NOB1: variants seen among roughly 807,000 people sequenced by gnomAD.
NOB1 encodes the protein RNA-binding protein NOB1.
In NOB1, 44 loss-of-function variants were observed where a neutral mutation model predicts 44.8. The ratio of observed to expected loss-of-function variants is 0.98; its 90% CI spans 0.77 to 1.26. The LOEUF is 1.26. NOB1 is among the 50% of genes most tolerant of loss of function. The pLI is 0.00. For synonymous variants in NOB1, 238 were observed against 218.7 expected (o/e 1.09, Z -0.78); for missense variants, 560 against 544.8 (o/e 1.03, Z -0.28).
chr16:69,749,593 G>A lies in NOB1; in HGVS notation c.365C>T (p.Pro122Leu). The A allele has an allele frequency of 6.8e-6, 11 of 1,613,436 alleles. No individual in the cohort carries two copies. Among genetic ancestry groups the A allele is most frequent in the Non-Finnish European group, 9.3e-6 (11 of 1,179,784 alleles). The change falls in exon 4 of 9, where the codon CCT (proline) becomes CTT (leucine). Residue 122 changes from proline (P) to leucine (L), a missense_variant. By Grantham distance (98) the Pro-to-Leu change is moderately conservative. Transcript: ENST00000268802. ...VSSSIQHPET[P>L]LHISGFHLPY... is the part of the protein sequence containing the mutation. ...CAGATGGAAACCAGAAATGTGCAGAGGTGTTTCTGGGTGCTGAATCGATGA... is the reference window on the plus strand; with the variant it reads ...CAGATGGAAACCAGAAATGTGCAGAAGTGTTTCTGGGTGCTGAATCGATGA...
At chr16:69,750,570 T>C (rs761668163) in intron 3 of NOB1, among the ~76,000 whole-genome samples, 2 of 152,156 alleles carry the variant, frequency 1.3e-5, no homozygotes, top group Non-Finnish European at 2.9e-5. Flanking sequence ...GATGCTGCAG[T>C]GAGCTGTGAT....
At chr16:69,748,707 C>A in intron 6 of NOB1, 1 of 543,748 alleles carries the variant, frequency 1.8e-6, no homozygotes, top group Non-Finnish European at 3.2e-6. Flanking sequence ...AAATAGTAAA[C>A]GTTAAACATT....
At chr16:69,747,038 C>T (rs773596324) in intron 7 of NOB1, among the ~76,000 whole-genome samples, 3 of 151,280 alleles carry the variant, frequency 2.0e-5, no homozygotes, top group East Asian at 1.9e-4. Context: ...CTGGCTAACA[C>T]GGTGAAACCC....
chr16:69,754,749 C>G (rs1302546604), intron 1 of NOB1, 23 bp from the exon 2 acceptor site: 2 of 1,613,736 alleles, frequency 1.2e-6, no homozygotes, highest in African/African-American at 2.7e-5. Flanking sequence ...CGCCCCAGCT[C>G]AGACCCACCC....
intron 6 of NOB1, chr16:69,748,669 A>G (rs1169748934): frequency 3.7e-6 from 2 of 534,200 alleles, no homozygotes; most frequent in Non-Finnish European, 6.5e-6. Context: ...CATTATATAT[A>G]CTGAAAAAAA....
Position 69,754,105 on chromosome 16 carries a change from A to G in NOB1, c.196+489T>C, listed in dbSNP as rs2038504559. ...GGCCGTAAGCCACCGCGCCCAGCTT[A>G]ATTTTCTTTCACATTTAATACAATG... is the stretch of plus-strand genomic sequence containing the variant. On this transcript the variant is annotated intron_variant, in intron 2 of 8. Coordinates refer to ENST00000268802, the MANE Select transcript of NOB1 (RefSeq NM_014062.3). 2.6e-5 allele frequency among the ~76,000 whole-genome samples: 4 copies of G among 152,176 alleles called. No homozygotes were observed. The South Asian group carries it at 8.3e-4, about 31-fold the overall frequency.
rs200093997 is a variant in NOB1 at position 69,744,944 on chromosome 16, C to T, written c.898G>A (p.Val300Ile). ...ATGTGCAGGGTGCCGTCGTCGCTGA[C>T]GGTCACGGACACTTTCTTCAGGGTC... The part of the protein sequence containing the change: ...NKTLKKVSVT[V>I]SDDGTLHMHF... The change falls in exon 8 of 9, where the codon GTC (valine) becomes ATC (isoleucine). Residue 300 changes from valine to isoleucine, a missense_variant. Physicochemically the swap from Val to Ile is conservative, Grantham distance 29. Coordinates refer to ENST00000268802, the MANE Select transcript of NOB1 (RefSeq NM_014062.3). 44 of 1,614,062 alleles carry T rather than the reference C, an allele frequency of 2.7e-5. 1 individual carries two copies. The South Asian group carries it at 4.0e-4, about 14-fold the overall frequency.
intron 7 of NOB1, among the ~76,000 whole-genome samples, chr16:69,746,672 G>A (rs1167574345): frequency 2.0e-5 from 3 of 152,136 alleles, no homozygotes; most frequent in Admixed American, 6.5e-5. Flanking sequence ...TTGGGAGGCC[G>A]AGGCAGGCAG....
rs1301894501 is a variant in NOB1, at chr16:69,748,084, G to A, written c.824+148C>T. 3 of 551,286 alleles carry A rather than the reference G, an allele frequency of 5.4e-6. No homozygotes were observed. In the African/African-American group the frequency reaches 5.8e-5, roughly 11 times the overall value. 34.1% of individuals were successfully genotyped at this position (551,286 alleles called of 1,614,324 possible). On this transcript the variant is annotated intron_variant, in intron 7 of 8. Coordinates refer to ENST00000268802, the MANE Select transcript of NOB1 (RefSeq NM_014062.3). ...GGAGGTTGAGGCAGGAGAATTGCTT[G>A]AACCCAGGAGGCAGAGGTTGCAGTG...
intron 2 of NOB1, among the ~76,000 whole-genome samples, chr16:69,753,290 T>C (rs1456971691): frequency 6.6e-6 from 1 of 152,192 alleles, no homozygotes; most frequent in Non-Finnish European, 1.5e-5. Flanking sequence ...CTTGTAATTG[T>C]AGTAGTCTAT....
At chr16:69,748,426 T>A in intron 6 of NOB1, 97 bp from the exon 7 acceptor site, 1 of 1,156,116 alleles carries the variant, frequency 8.6e-7, no homozygotes, top group Non-Finnish European at 1.2e-6. Context: ...TTGCCCATAT[T>A]CCTTGGCTTT....
intron 7 of NOB1, among the ~76,000 whole-genome samples, chr16:69,747,911 T>C (rs2038446565): frequency 6.6e-6 from 1 of 151,976 alleles, no homozygotes; most frequent in Non-Finnish European, 1.5e-5. Flanking sequence ...TAACCCCAGC[T>C]CTTTGGGAGG....
chr16:69,745,380 G>C (rs2038421847), intron 7 of NOB1, among the ~76,000 whole-genome samples: 1 of 152,202 alleles, frequency 6.6e-6, no homozygotes, highest in African/African-American at 2.4e-5. Flanking sequence ...AGTTAAGGCA[G>C]CTTGCTCAAG....
chr16:69,745,113 C>CAGG, intron 7 of NOB1, 96 bp from the exon 8 acceptor site: 2 of 1,323,086 alleles, frequency 1.5e-6, no homozygotes, highest in Non-Finnish European at 1.1e-6. Flanking sequence ...GGAGAAGAAA[C>CAGG]AGGGAAGGGC....
At chr16:69,749,483 T>C in intron 4 of NOB1, 76 bp downstream of exon 4, 1 of 1,541,030 alleles carries the variant, frequency 6.5e-7, no homozygotes, top group Non-Finnish European at 8.9e-7. Context: ...TTTAGTTCAC[T>C]GTGAAGAGAT....
At chr16:69,744,456 C>T (rs2038411485) in intron 8 of NOB1, among the ~76,000 whole-genome samples, 1 of 152,176 alleles carries the variant, frequency 6.6e-6, no homozygotes, top group African/African-American at 2.4e-5. Flanking sequence ...AAGCCAGTGC[C>T]ACTCATTCGT....
intron 3 of NOB1, among the ~76,000 whole-genome samples, chr16:69,751,277 G>A (rs1445200497): frequency 6.6e-6 from 1 of 151,834 alleles, no homozygotes; most frequent in Admixed American, 6.6e-5. Flanking sequence ...CAAAGCCCTG[G>A]GATTATAGGC....
In NOB1 at chr16:69,744,897, C is replaced by A. The variant is rs2038416232; in HGVS notation, c.945G>T (p.Lys315Asn). The change falls in exon 8 of 9, where the codon AAG (lysine) becomes AAT (asparagine). Residue 315 changes from lysine (K) to asparagine (N), a missense_variant. Physicochemically the swap from Lys to Asn is moderately conservative, Grantham distance 94 (BLOSUM62 0). Coordinates refer to ENST00000268802, the MANE Select transcript of NOB1 (RefSeq NM_014062.3). ...TLHMHFSRNPKVLNPRGLRYS... is the reference protein window; with the variant it reads ...TLHMHFSRNPNVLNPRGLRYS... ...CCCGGAGGCCGCGGGGGTTCAGCAC[C>A]TTGGGGTTGCGGGAGAAGTGCATGT... is the stretch of plus-strand genomic sequence containing the variant. The A allele has an allele frequency of 1.2e-6, 2 of 1,613,846 alleles. No homozygotes were observed. Among genetic ancestry groups the A allele is most frequent in the East Asian group, 4.5e-5 (2 of 44,878 alleles).
intron 8 of NOB1, 79 bp from the exon 9 acceptor site, chr16:69,742,680 G>C (rs140739943): frequency 1.4e-6 from 2 of 1,426,964 alleles, no homozygotes; most frequent in Non-Finnish European, 2.0e-6. Context: ...AGGTGCAGCC[G>C]ACCTTGCAGA....
Sources: allele counts gnomAD v4.1 joint callset (sites outside exome capture counted in the v4.1 genomes callset), GRCh38; gene constraint gnomAD v4.1.1; transcripts MANE v1.5; gene names NCBI Gene and HGNC (gene_info 2026-07-23, HGNC 2026-07-21).